Variants in THSD4 observed in about 807,000 individuals in gnomAD.
The protein encoded by THSD4 is thrombospondin type-1 domain-containing protein 4.
THSD4 carries 69 observed loss-of-function variants against 119.0 expected under a neutral mutation model. That is an observed-to-expected ratio of 0.58 (90% CI 0.48 to 0.71). THSD4 has a LOEUF of 0.71. THSD4 is among the 30% of genes least tolerant of loss of function. The pLI is 0.00. For synonymous variants in THSD4, 524 were observed against 540.4 expected, an observed-to-expected ratio of 0.97 and a Z score of 0.42; for missense variants, 1,393 against 1,391.1, an observed-to-expected ratio of 1.00 and a Z score of -0.02.
chr15:71,382,593 C>T (rs1470388692), intron 6 of THSD4, among the ~76,000 whole-genome samples: 2 of 152,088 alleles, frequency 1.3e-5, no homozygotes, highest in Non-Finnish European at 2.9e-5. Context: ...ATAACACATC[C>T]TCATGCCTTT....
At chr15:71,382,324 A>G (rs1596385490) in intron 6 of THSD4, among the ~76,000 whole-genome samples, 1 of 152,354 alleles carries the variant, frequency 6.6e-6, no homozygotes, top group Non-Finnish European at 1.5e-5. Flanking sequence ...CAATACTCCA[A>G]GAAAACGTTC....
intron 1 of THSD4, among the ~76,000 whole-genome samples, chr15:71,103,988 GTCT>G (rs1240507297): frequency 6.6e-6 from 1 of 152,254 alleles, no homozygotes; most frequent in East Asian, 1.9e-4. Context: ...TTGAATTCTG[GTCT>G]TCTTCCCAAA....
chr15:71,561,774 G>A (rs1292018195), intron 7 of THSD4, among the ~76,000 whole-genome samples: 2 of 152,078 alleles, frequency 1.3e-5, no homozygotes, highest in African/African-American at 4.8e-5. Flanking sequence ...AGCTACAAGT[G>A]TCCATACCCT....
intron 10 of THSD4, chr15:71,733,050 G>A (rs2053013197): frequency 6.6e-6 from 1 of 152,234 alleles, no homozygotes; most frequent in African/African-American, 2.4e-5. Flanking sequence ...CCAAGTTTGG[G>A]TAAGATTTCT....
At chr15:71,491,554 C>CA (rs1481592806) in intron 7 of THSD4, among the ~76,000 whole-genome samples, 2 of 152,204 alleles carry the variant, frequency 1.3e-5, no homozygotes, top group Non-Finnish European at 2.9e-5. Flanking sequence ...CAACTTTGGA[C>CA]TTCCCAGCCT....
intron 6 of THSD4, among the ~76,000 whole-genome samples, chr15:71,271,635 T>C (rs966946371): frequency 6.6e-6 from 1 of 152,222 alleles, no homozygotes; most frequent in Non-Finnish European, 1.5e-5. Flanking sequence ...AACTATATTT[T>C]TAAAACCTTA....
At chr15:71,382,748 C>A (rs7163844) in intron 6 of THSD4, among the ~76,000 whole-genome samples, 73,634 of 151,890 alleles carry the variant, frequency 0.48, 18,661 homozygotes, top group East Asian at 0.69. Context: ...GAGATGATAC[C>A]ATTTTATAAT....
chr15:71,571,843 A>G (rs554657817), intron 7 of THSD4, among the ~76,000 whole-genome samples: 3 of 152,310 alleles, frequency 2.0e-5, no homozygotes, highest in African/African-American at 7.2e-5. Flanking sequence ...TGGGAGATTC[A>G]GCTGCTGGGG....
At chr15:71,656,234 A>G (rs1344720347) in intron 7 of THSD4, among the ~76,000 whole-genome samples, 1 of 152,210 alleles carries the variant, frequency 6.6e-6, no homozygotes, top group Non-Finnish European at 1.5e-5. Flanking sequence ...TAATAGTAGT[A>G]TACTGCTGTC....
At chr15:71,467,744 T>A (rs528990927) in intron 7 of THSD4, among the ~76,000 whole-genome samples, 1 of 152,012 alleles carries the variant, frequency 6.6e-6, no homozygotes, top group Non-Finnish European at 1.5e-5. Flanking sequence ...ATAATTCCCA[T>A]GTGTCATGGG....
At chr15:71,540,752 A>G (rs1346568113) in intron 7 of THSD4, among the ~76,000 whole-genome samples, 6 of 110,866 alleles carry the variant, frequency 5.4e-5, no homozygotes, top group African/African-American at 2.1e-4. Context: ...TTTTTAAACG[A>G]GTCTCTGTCA....
intron 5 of THSD4, among the ~76,000 whole-genome samples, chr15:71,252,285 C>T (rs1398021828): frequency 6.6e-6 from 1 of 152,220 alleles, no homozygotes; most frequent in East Asian, 1.9e-4. Context: ...CATCAGGAAA[C>T]AACCAATTTA....
At chr15:71,565,922 GTCTC>G in intron 7 of THSD4, among the ~76,000 whole-genome samples, 1 of 152,280 alleles carries the variant, frequency 6.6e-6, no homozygotes, top group East Asian at 1.9e-4. Context: ...ACAGAAGTAA[GTCTC>G]TATGACCTCA....
intron 11 of THSD4, among the ~76,000 whole-genome samples, chr15:71,743,132 G>A (rs560793092): frequency 6.6e-5 from 10 of 152,178 alleles, no homozygotes; most frequent in African/African-American, 2.2e-4. Context: ...GTTCATTTCC[G>A]TGGAGCTGGA....
intron 7 of THSD4, among the ~76,000 whole-genome samples, chr15:71,527,002 C>T (rs1374283382): frequency 6.6e-6 from 1 of 152,156 alleles, no homozygotes; most frequent in Non-Finnish European, 1.5e-5. Context: ...ACTTAATCAC[C>T]ATTGCAGTCG....
At chr15:71,474,214 C>CAA (rs1566997447) in intron 7 of THSD4, among the ~76,000 whole-genome samples, 1 of 145,146 alleles carries the variant, frequency 6.9e-6, no homozygotes, top group Non-Finnish European at 1.5e-5. Flanking sequence ...TGGCATCTTG[C>CAA]TATTTTATTT....
At chr15:71,441,397 A>AT (rs1215547880) in intron 7 of THSD4, among the ~76,000 whole-genome samples, 1,261 of 73,350 alleles carry the variant, frequency 0.017, 54 homozygotes, top group East Asian at 0.066. Flanking sequence ...CACCTGTAGA[A>AT]TTTTTTTTTT....
intron 6 of THSD4, among the ~76,000 whole-genome samples, chr15:71,326,700 AATATATAT>A (rs71154759): frequency 2.5e-3 from 16 of 6,454 alleles, no homozygotes; most frequent in East Asian, 6.8e-3. Flanking sequence ...AAAAAAAAAA[AATATATAT>A]ATATATATAT....
In THSD4 at chr15:71,746,820, C is replaced by T. The variant is rs771573603; in HGVS notation, c.2037-18C>T. 3.7e-6 allele frequency: 6 copies of T among 1,612,286 alleles called. No individual in the cohort carries two copies. The African/African-American group carries it at 4.0e-5, about 11-fold the overall frequency. On this transcript the variant is annotated intron_variant, in intron 12 of 17. Coordinates refer to ENST00000261862, the MANE Select transcript of THSD4 (RefSeq NM_024817.3). ...CTGAAGGTTGTCTCTCACTCTCGCT[C>T]TCTCATTCCTGAACCAGCTGGGACA...
Sources: allele counts gnomAD v4.1 joint callset (sites outside exome capture counted in the v4.1 genomes callset), GRCh38; gene constraint gnomAD v4.1.1; transcripts MANE v1.5; gene names NCBI Gene and HGNC (gene_info 2026-07-23, HGNC 2026-07-21).